Variants in CPNE4 observed in about 807,000 individuals in gnomAD.
CPNE4 encodes copine 4, also known as copine-4.
A neutral mutation model predicts 67.9 loss-of-function variants in CPNE4; 25 were observed. That is an observed-to-expected ratio of 0.37 (90% confidence interval 0.27 to 0.51). CPNE4 has a LOEUF of 0.51. Among genes scored for constraint, CPNE4 ranks in the 20% least tolerant of loss-of-function variants. CPNE4 has a pLI of 0.93. For synonymous variants in CPNE4, 242 were observed against 244.9 expected, an observed-to-expected ratio of 0.99 and a Z score of 0.11; for missense variants, 464 against 690.8, an observed-to-expected ratio of 0.67 and a Z score of 3.68.
chr3:131,731,314 C>T (rs2082121996), intron 2 of CPNE4, among the ~76,000 whole-genome samples: 1 of 152,180 alleles, frequency 6.6e-6, no homozygotes. Flanking sequence ...AGGAATGTGG[C>T]TCAGAAGTAA....
chr3:131,800,103 A>G (rs536586698), intron 2 of CPNE4, among the ~76,000 whole-genome samples: 1 of 151,854 alleles, frequency 6.6e-6, no homozygotes, highest in Non-Finnish European at 1.5e-5. Context: ...AGTAATGAAC[A>G]TAATACCAGA....
chr3:131,724,718 T>A (rs997811906), intron 2 of CPNE4, among the ~76,000 whole-genome samples: 1 of 152,172 alleles, frequency 6.6e-6, no homozygotes, highest in African/African-American at 2.4e-5. Flanking sequence ...GGGGTAGTAA[T>A]GGCTTCCTGT....
At chr3:131,809,064 T>C (rs2084428782) in intron 2 of CPNE4, among the ~76,000 whole-genome samples, 1 of 152,162 alleles carries the variant, frequency 6.6e-6, no homozygotes, top group South Asian at 2.1e-4. Context: ...CCTGTGAATA[T>C]GTTAGTTACA....
At chr3:131,863,125 T>G (rs917969606) in intron 2 of CPNE4, among the ~76,000 whole-genome samples, 12 of 152,338 alleles carry the variant, frequency 7.9e-5, no homozygotes, top group Admixed American at 3.9e-4. Context: ...ACATTTGGGT[T>G]GGTTCCAAGT....
intron 1 of CPNE4, among the ~76,000 whole-genome samples, chr3:132,015,979 T>G (rs918738562): frequency 6.6e-6 from 1 of 152,230 alleles, no homozygotes; most frequent in African/African-American, 2.4e-5. Context: ...TTTCAGCTTA[T>G]AACCATACAT....
chr3:131,644,524 C>G (rs2079616132), intron 7 of CPNE4, among the ~76,000 whole-genome samples: 1 of 152,164 alleles, frequency 6.6e-6, no homozygotes, highest in Non-Finnish European at 1.5e-5. Context: ...AAAAATACTA[C>G]TTTATGTTTT....
chr3:131,616,363 T>C (rs971849511), intron 7 of CPNE4, among the ~76,000 whole-genome samples: 6 of 152,164 alleles, frequency 3.9e-5, no homozygotes, highest in Non-Finnish European at 8.8e-5. Flanking sequence ...TTCTGAAAGA[T>C]TTTTCTGAGT....
intron 1 of CPNE4, among the ~76,000 whole-genome samples, chr3:131,945,725 C>A (rs985885993): frequency 1.3e-5 from 2 of 152,278 alleles, no homozygotes; most frequent in South Asian, 4.1e-4. Context: ...TAATCTCTTG[C>A]TTGTCTATTT....
chr3:131,698,968 A>G (rs1179896371), intron 4 of CPNE4, among the ~76,000 whole-genome samples: 1 of 151,742 alleles, frequency 6.6e-6, no homozygotes, highest in Non-Finnish European at 1.5e-5. Context: ...AATGTTCAAA[A>G]TAACTCAAGA....
intron 1 of CPNE4, among the ~76,000 whole-genome samples, chr3:131,921,388 C>A (rs928526437): frequency 3.9e-5 from 6 of 152,122 alleles, no homozygotes; most frequent in African/African-American, 1.4e-4. Flanking sequence ...CCCTAAAATT[C>A]AACTTATTGA....
intron 2 of CPNE4, among the ~76,000 whole-genome samples, chr3:131,829,956 G>C (rs2085306152): frequency 1.3e-5 from 2 of 152,130 alleles, no homozygotes; most frequent in African/African-American, 4.8e-5. Flanking sequence ...ACCTTCAAAA[G>C]TCAACACTAT....
chr3:132,037,708 T>C (rs2074363567), upstream of CPNE4: 2 of 1,022,278 alleles, frequency 2.0e-6, no homozygotes, highest in Admixed American at 2.0e-5. Context: ...ACTCGCCGGG[T>C]TTCTGTTTGA....
intron 2 of CPNE4, among the ~76,000 whole-genome samples, chr3:131,782,125 A>G (rs568946872): frequency 2.0e-5 from 3 of 152,260 alleles, no homozygotes; most frequent in Non-Finnish European, 2.9e-5. Context: ...TCCATTCAAT[A>G]TGCTCTTAAG....
At chr3:131,605,066 C>T (rs936811030) in intron 7 of CPNE4, among the ~76,000 whole-genome samples, 52 of 152,088 alleles carry the variant, frequency 3.4e-4, no homozygotes, top group African/African-American at 1.1e-3. Flanking sequence ...TTTTGAAGGA[C>T]ACTGAAGCCC....
At chr3:131,750,081 C>T (rs1259406968) in intron 2 of CPNE4, among the ~76,000 whole-genome samples, 2 of 152,136 alleles carry the variant, frequency 1.3e-5, no homozygotes, top group Non-Finnish European at 2.9e-5. Context: ...GGGGCCTCAC[C>T]TGAGTGACCT....
intron 1 of CPNE4, among the ~76,000 whole-genome samples, chr3:132,000,807 T>C (rs1311415786): frequency 2.0e-5 from 3 of 150,404 alleles, no homozygotes; most frequent in African/African-American, 7.3e-5. Flanking sequence ...CATCACACCA[T>C]TGCCCTTCAG....
chr3:131,841,310 A>G (rs541574946), intron 2 of CPNE4, among the ~76,000 whole-genome samples: 6 of 152,348 alleles, frequency 3.9e-5, no homozygotes, highest in Admixed American at 6.5e-5. Flanking sequence ...ATGTGAACAC[A>G]GGGTATTTAG....
intron 1 of CPNE4, among the ~76,000 whole-genome samples, chr3:132,029,715 G>T (rs547767674): frequency 1.3e-5 from 2 of 152,328 alleles, no homozygotes; most frequent in Non-Finnish European, 2.9e-5. Flanking sequence ...TTTCCAAGGA[G>T]AAATTTCTCT....
chr3:131,716,495 C>T (rs2081688805), intron 3 of CPNE4, among the ~76,000 whole-genome samples: 1 of 152,166 alleles, frequency 6.6e-6, no homozygotes, highest in Non-Finnish European at 1.5e-5. Flanking sequence ...AAATACTTGA[C>T]AAACCTGAGC....
Sources: allele counts gnomAD v4.1 joint callset (sites outside exome capture counted in the v4.1 genomes callset), GRCh38; gene constraint gnomAD v4.1.1; transcripts MANE v1.5; gene names NCBI Gene and HGNC (gene_info 2026-07-23, HGNC 2026-07-21).